FYN: variants seen among roughly 807,000 people sequenced by gnomAD.
FYN encodes FYN proto-oncogene, Src family tyrosine kinase, also known as tyrosine-protein kinase Fyn.
In FYN, 10 loss-of-function variants were observed where a neutral mutation model predicts 70.2. That is an observed-to-expected ratio of 0.14 (90% CI 0.09 to 0.24). FYN has a LOEUF of 0.24. FYN is among the 10% of genes least tolerant of loss of function. The pLI, the probability that FYN is intolerant of heterozygous loss-of-function variation, is 1.00. For synonymous variants in FYN, 236 were observed against 248.6 expected (o/e 0.95, Z 0.48); for missense variants, 319 against 673.1 (o/e 0.47, Z 5.82).
intron 13 of FYN, among the ~76,000 whole-genome samples, chr6:111,671,500 T>C (rs778770878): frequency 6.6e-6 from 1 of 152,158 alleles, no homozygotes; most frequent in Non-Finnish European, 1.5e-5. Context: ...TATTCTCAGG[T>C]ATGGAAGACT....
In FYN at chr6:111,856,743, C is replaced by T. The variant is rs576484513; in HGVS notation, c.-122-10114G>A. Among the ~76,000 whole-genome samples, 18 of 152,070 alleles carry T rather than the reference C, an allele frequency of 1.2e-4. No homozygotes were observed. In the South Asian group the frequency reaches 1.3e-3, roughly 11 times the overall value. The stretch of plus-strand genomic sequence containing the variant: ...ATCTCTAACTCTCTTGGCTCCCCCC[C>T]GACACACAAGGTAAAAATATGAGAT... On this transcript the variant is annotated intron_variant, in intron 1 of 13. Coordinates refer to ENST00000354650, the MANE Select transcript of FYN (RefSeq NM_002037.5).
At chr6:111,833,047 G>A (rs571816538) in intron 2 of FYN, among the ~76,000 whole-genome samples, 2 of 152,308 alleles carry the variant, frequency 1.3e-5, no homozygotes, top group Admixed American at 1.3e-4. Flanking sequence ...AGATATGAAA[G>A]AATGGAAATG....
intron 2 of FYN, among the ~76,000 whole-genome samples, chr6:111,826,059 C>T (rs548748728): frequency 6.6e-6 from 1 of 151,914 alleles, no homozygotes. Context: ...AGAGAAAAGG[C>T]GAAGGGAAAA....
At chr6:111,702,856 G>A (rs1799903431) in intron 8 of FYN, 29 bp downstream of exon 8, 4 of 1,609,280 alleles carry the variant, frequency 2.5e-6, no homozygotes, top group Non-Finnish European at 3.4e-6. Context: ...GCATCCAAAT[G>A]GTTAGTAGGT....
chr6:111,870,396 A>G (rs1407112110), intron 1 of FYN, among the ~76,000 whole-genome samples: 1 of 152,240 alleles, frequency 6.6e-6, no homozygotes, highest in East Asian at 1.9e-4. Context: ...ATGAGCAAGA[A>G]TAAACGTCTA....
intron 2 of FYN, among the ~76,000 whole-genome samples, chr6:111,811,793 T>A (rs76071407): frequency 6.6e-6 from 1 of 152,188 alleles, no homozygotes; most frequent in Non-Finnish European, 1.5e-5. Flanking sequence ...AAGGTATTGC[T>A]AGTCAGCTGT....
In FYN at chr6:111,673,619, A is replaced by ATCG. The variant is rs1554272175; in HGVS notation, c.1405+879_1405+880insCGA. ...ATTAATCGTCACTATCGTTTCTATC[A>ATCG]TTGTTTTTTTTTTTTTTTTTTTCTT... On this transcript the variant is annotated intron_variant, in intron 13 of 13. Transcript: ENST00000354650. Among the ~76,000 whole-genome samples the ATCG allele has an allele frequency of 4.2e-4, 27 of 64,998 alleles. 1 individual carries two copies. The highest frequency in any genetic ancestry group is 6.8e-4 in the Non-Finnish European group (21 of 30,868). 42.6% of individuals were successfully genotyped at this position (64,998 alleles called of 152,430 possible).
chr6:111,833,228 T>C (rs895442814), intron 2 of FYN, among the ~76,000 whole-genome samples: 29 of 152,320 alleles, frequency 1.9e-4, no homozygotes, highest in African/African-American at 6.5e-4. Flanking sequence ...GAAAGCTCTG[T>C]GTTCTCATCA....
At chr6:111,669,963 T>C (rs1027456855) in intron 13 of FYN, among the ~76,000 whole-genome samples, 4 of 151,902 alleles carry the variant, frequency 2.6e-5, no homozygotes, top group African/African-American at 9.7e-5. Flanking sequence ...GGGAAGGCTT[T>C]CCAAAGCAGA....
chr6:111,856,176 G>A (rs1773818812), intron 1 of FYN, among the ~76,000 whole-genome samples: 1 of 152,098 alleles, frequency 6.6e-6, no homozygotes, highest in African/African-American at 2.4e-5. Context: ...ACATATTTGG[G>A]TGAAAACAGT....
At chr6:111,819,948 T>A (rs1772605819) in intron 2 of FYN, 1 of 152,228 alleles carries the variant, frequency 6.6e-6, no homozygotes, top group African/African-American at 2.4e-5. Context: ...GAGAAACTCA[T>A]CCATCCCTGA....
chr6:111,732,205 G>T (rs138272667), intron 3 of FYN, among the ~76,000 whole-genome samples: 1 of 152,314 alleles, frequency 6.6e-6, no homozygotes, highest in African/African-American at 2.4e-5. Flanking sequence ...TACATTCTGC[G>T]AACACTACTG....
Position 111,868,226 on chromosome 6 carries a change from T to C in FYN, c.-123+4742A>G, listed in dbSNP as rs192257056. Reference sequence around the variant, plus strand: ...CTAACATTGGTCAGAGACTCCTTTATAGCTCTGCAAAACTAGCAAGTAAGT... The same window carrying C: ...CTAACATTGGTCAGAGACTCCTTTACAGCTCTGCAAAACTAGCAAGTAAGT... On this transcript the variant is annotated intron_variant, in intron 1 of 13. Coordinates refer to ENST00000354650, the MANE Select transcript of FYN (RefSeq NM_002037.5). Among the ~76,000 whole-genome samples the C allele has an allele frequency of 5.4e-3, 827 of 152,268 alleles. 8 individuals carry two copies. The highest frequency in any genetic ancestry group is 9.1e-3 in the Non-Finnish European group (621 of 68,006).
At chr6:111,846,975 A>C (rs1310051852) in intron 1 of FYN, among the ~76,000 whole-genome samples, 5 of 152,162 alleles carry the variant, frequency 3.3e-5, no homozygotes, top group Non-Finnish European at 7.4e-5. Flanking sequence ...AGTCTCTACA[A>C]GTCATCAATG....
intron 2 of FYN, among the ~76,000 whole-genome samples, chr6:111,817,249 A>C (rs974160230): frequency 6.6e-6 from 1 of 152,154 alleles, no homozygotes; most frequent in Non-Finnish European, 1.5e-5. Context: ...CATAGCAACC[A>C]CATATTTTCT....
intron 9 of FYN, chr6:111,699,735 G>A: frequency 6.8e-7 from 1 of 1,467,160 alleles, no homozygotes; most frequent in South Asian, 1.3e-5. Flanking sequence ...CATGCACTAG[G>A]AAAGATGGAA....
rs568031727 is a variant in FYN, at chr6:111,721,456, G to A, written c.-11-1394C>T. On this transcript the variant is annotated intron_variant, in intron 3 of 13. Coordinates refer to ENST00000354650, the MANE Select transcript of FYN (RefSeq NM_002037.5). ...ATCCCTCCTGTGACTTTGAGATGGA[G>A]TCTCACTCTGTTGCCCAGGCTGGAG... Among the ~76,000 whole-genome samples, 44 of 152,268 alleles carry A rather than the reference G, an allele frequency of 2.9e-4. No individual in the cohort carries two copies. In the South Asian group the frequency reaches 3.3e-3, roughly 12 times the overall value.
chr6:111,722,015 T>G (rs760544092), intron 3 of FYN, among the ~76,000 whole-genome samples: 1 of 152,152 alleles, frequency 6.6e-6, no homozygotes, highest in Non-Finnish European at 1.5e-5. Flanking sequence ...GGAGAAGGCA[T>G]GCTTTTCTAT....
chr6:111,689,624 T>G (rs1379331809), intron 12 of FYN, among the ~76,000 whole-genome samples: 1 of 152,182 alleles, frequency 6.6e-6, no homozygotes, highest in Non-Finnish European at 1.5e-5. Flanking sequence ...TACTGTTCCA[T>G]GCAGCAATAT....
Sources: allele counts gnomAD v4.1 joint callset (sites outside exome capture counted in the v4.1 genomes callset), GRCh38; gene constraint gnomAD v4.1.1; transcripts MANE v1.5; gene names NCBI Gene and HGNC (gene_info 2026-07-23, HGNC 2026-07-21).